Variants in FRYL observed in about 807,000 individuals in gnomAD.
The protein encoded by FRYL is FRY like transcription coactivator.
A neutral mutation model predicts 351.2 loss-of-function variants in FRYL; 150 were observed. That is an observed-to-expected ratio of 0.43 (90% CI 0.37 to 0.49). The LOEUF (loss-of-function observed/expected upper bound fraction) is 0.49. FRYL is among the 20% of genes least tolerant of loss of function. The probability of loss-of-function intolerance (pLI) is 0.00; values close to 1 mark genes in which losing one functional copy is unlikely to be tolerated. For synonymous variants in FRYL, 1,153 were observed against 1,257.1 expected (o/e 0.92, Z 1.75); for missense variants, 3,036 against 3,619.3 (o/e 0.84, Z 4.13).
intron 3 of FRYL, among the ~76,000 whole-genome samples, chr4:48,639,213 T>C (rs1754857327): frequency 6.6e-6 from 1 of 152,034 alleles, no homozygotes; most frequent in South Asian, 2.1e-4. Flanking sequence ...CTGAAGTTTA[T>C]ATGGAAAGGC....
At chr4:48,748,677 C>T (rs1047996743) in intron 1 of FRYL, among the ~76,000 whole-genome samples, 15 of 152,186 alleles carry the variant, frequency 9.9e-5, no homozygotes, top group Non-Finnish European at 1.5e-4. Flanking sequence ...GTGTGTCAGG[C>T]ACTGTCCTGG....
At chr4:48,505,637 G>A (rs371365219) in intron 59 of FRYL, 22 bp from the exon 60 acceptor site, 21 of 1,505,626 alleles carry the variant, frequency 1.4e-5, no homozygotes, top group Admixed American at 6.9e-5. Context: ...TAACAGTAAC[G>A]TTTAATATGC....
At chr4:48,512,351 T>A (rs1296731547) in intron 57 of FRYL, 130 bp downstream of exon 57, 2 of 651,760 alleles carry the variant, frequency 3.1e-6, no homozygotes, top group Non-Finnish European at 5.3e-6. Flanking sequence ...AGTAATACCA[T>A]TAGCTTAGAA....
intron 44 of FRYL, among the ~76,000 whole-genome samples, chr4:48,543,566 G>A (rs1258838295): frequency 6.6e-6 from 1 of 152,136 alleles, no homozygotes; most frequent in Non-Finnish European, 1.5e-5. Context: ...GGGGTGGGGT[G>A]TTGTGTGAGT....
intron 24 of FRYL, 95 bp from the exon 25 acceptor site, chr4:48,575,336 G>A: frequency 7.5e-7 from 1 of 1,326,462 alleles, no homozygotes; most frequent in Admixed American, 1.9e-5. Context: ...AAGGATAAAT[G>A]GACAGGTGAA....
intron 1 of FRYL, among the ~76,000 whole-genome samples, chr4:48,779,497 T>C (rs1375625835): frequency 6.6e-6 from 1 of 151,948 alleles, no homozygotes; most frequent in African/African-American, 2.4e-5. Flanking sequence ...AATGCCCGGC[T>C]GGGCTGGCGC....
chr4:48,746,530 G>A (rs1772701132), intron 1 of FRYL, among the ~76,000 whole-genome samples: 1 of 150,198 alleles, frequency 6.7e-6, no homozygotes, highest in Non-Finnish European at 1.5e-5. Flanking sequence ...GGGCGACAGA[G>A]CAAGACTCCG....
At chr4:48,505,378 A>T (rs1308890766) in intron 60 of FRYL, 169 bp downstream of exon 60, 9 of 644,506 alleles carry the variant, frequency 1.4e-5, no homozygotes, top group South Asian at 6.5e-5. Flanking sequence ...TTTCATTATG[A>T]AACCAGTATT....
intron 19 of FRYL, among the ~76,000 whole-genome samples, chr4:48,585,306 C>T (rs762594701): frequency 6.6e-6 from 1 of 152,114 alleles, no homozygotes; most frequent in Non-Finnish European, 1.5e-5. Flanking sequence ...CAAAGTAACC[C>T]CTTTCTTTCA....
chr4:48,674,554 G>A (rs1763241185), intron 3 of FRYL, among the ~76,000 whole-genome samples: 1 of 151,740 alleles, frequency 6.6e-6, no homozygotes, highest in African/African-American at 2.4e-5. Context: ...TGGCGAACAC[G>A]GTGAAAACCC....
chr4:48,753,010 T>A (rs1264586663), intron 1 of FRYL, among the ~76,000 whole-genome samples: 1 of 150,424 alleles, frequency 6.6e-6, no homozygotes, highest in Non-Finnish European at 1.5e-5. Context: ...TCGGGGGGAG[T>A]GAGCAGGGCA....
chr4:48,703,443 T>A (rs1244143989), intron 2 of FRYL, among the ~76,000 whole-genome samples: 2 of 152,174 alleles, frequency 1.3e-5, no homozygotes, highest in African/African-American at 4.8e-5. Context: ...AGTGATCTCT[T>A]TACAAAGCAA....
chr4:48,572,541 A>G (rs1423389687), intron 26 of FRYL, among the ~76,000 whole-genome samples: 1 of 152,190 alleles, frequency 6.6e-6, no homozygotes, highest in Non-Finnish European at 1.5e-5. Context: ...TTCATCTGAA[A>G]TATCAGCACT....
intron 3 of FRYL, among the ~76,000 whole-genome samples, chr4:48,658,474 A>C (rs1271425044): frequency 6.6e-6 from 1 of 151,226 alleles, no homozygotes; most frequent in Non-Finnish European, 1.5e-5. Flanking sequence ...AAGGTGGCTC[A>C]CATCTGTAAT....
intron 35 of FRYL, 111 bp downstream of exon 35, chr4:48,556,867 G>A: frequency 2.3e-6 from 2 of 866,718 alleles, no homozygotes; most frequent in Non-Finnish European, 3.4e-6. Flanking sequence ...CTTCATCCCG[G>A]CCCTTGCCTT....
chr4:48,614,611 T>C (rs1578358769), intron 7 of FRYL, among the ~76,000 whole-genome samples: 1 of 147,704 alleles, frequency 6.8e-6, no homozygotes, highest in Admixed American at 6.8e-5. Flanking sequence ...AATCTCAGCT[T>C]CTCGGGAGGC....
At position 48,741,585 on chromosome 4, in the gene FRYL, C is replaced by T. The variant is rs376735937; in HGVS notation, c.-383-30887G>A. ...AGGCATGGTTGGACATGACTGTAGT[C>T]CCAGCTACCTGGAAGCAGGAGGATC... On this transcript the variant is annotated intron_variant, in intron 1 of 63. Transcript: ENST00000358350. 1.4e-3 allele frequency among the ~76,000 whole-genome samples: 213 copies of T among 152,072 alleles called. 1 individual carries two copies. Among genetic ancestry groups the T allele is most frequent in the African/African-American group, 4.6e-3 (189 of 41,476 alleles).
chr4:48,520,306 T>G (rs1301359538), intron 55 of FRYL, among the ~76,000 whole-genome samples: 1 of 152,036 alleles, frequency 6.6e-6, no homozygotes, highest in Non-Finnish European at 1.5e-5. Flanking sequence ...TGTACAAGAG[T>G]CAGCCTAACA....
At chr4:48,672,121 A>G (rs1762853111) in intron 3 of FRYL, among the ~76,000 whole-genome samples, 1 of 152,184 alleles carries the variant, frequency 6.6e-6, no homozygotes, top group African/African-American at 2.4e-5. Context: ...TTACTGAACA[A>G]TTATCAATTT....
Sources: gnomAD v4.1 joint callset for allele counts (sites outside exome capture counted in the v4.1 genomes callset) on GRCh38, gnomAD v4.1.1 for gene constraint, MANE v1.5 for transcripts, NCBI Gene and HGNC (gene_info 2026-07-23, HGNC 2026-07-21) for gene names.